The following C8orf34 variants were observed in gnomAD, a reference collection of about 807,000 sequenced individuals.
C8orf34 encodes uncharacterized protein C8orf34.
Under a neutral mutation model 68.3 loss-of-function variants are expected in C8orf34, and 65 were observed. The observed-to-expected ratio is 0.95, with a 90% CI of 0.78 to 1.17. C8orf34 has a LOEUF of 1.17. Ranked by LOEUF, C8orf34 falls within the 50% of genes most tolerant of loss-of-function variation. C8orf34 has a pLI of 0.00. For missense variants in C8orf34, 664 were observed against 655.4 expected (o/e 1.01, Z -0.14); for synonymous variants, 244 against 241.2 (o/e 1.01, Z -0.11).
intron 7 of C8orf34, among the ~76,000 whole-genome samples, chr8:68,597,779 A>G (rs953508378): frequency 6.6e-6 from 1 of 152,198 alleles, no homozygotes; most frequent in African/African-American, 2.4e-5. Flanking sequence ...ACTAGGAAAG[A>G]GTAACTTTAT....
chr8:68,714,625 C>A (rs953399918), intron 9 of C8orf34, among the ~76,000 whole-genome samples: 4 of 152,030 alleles, frequency 2.6e-5, no homozygotes, highest in Non-Finnish European at 4.4e-5. Context: ...AAATTATAGA[C>A]AACACAAACA....
chr8:68,477,214 G>C (rs900002474), intron 4 of C8orf34, among the ~76,000 whole-genome samples: 2 of 152,218 alleles, frequency 1.3e-5, no homozygotes, highest in African/African-American at 4.8e-5. Context: ...GAAGCTAGAA[G>C]TCTGGGTTAC....
intron 1 of C8orf34, among the ~76,000 whole-genome samples, chr8:68,331,780 C>CTTTTTTTTTT (rs1415208083): frequency 0.015 from 509 of 33,432 alleles, 34 homozygotes; most frequent in Middle Eastern, 0.04. Context: ...CTTTTCTTTC[C>CTTTTTTTTTT]TTCTTTTTTT....
chr8:68,578,385 A>G (rs151106376), intron 7 of C8orf34, among the ~76,000 whole-genome samples: 315 of 152,066 alleles, frequency 2.1e-3, no homozygotes, highest in African/African-American at 7.2e-3. Context: ...TTCAGTAGGA[A>G]CTTCTTATTG....
rs989476062 is a variant in C8orf34, at chr8:68,466,029, A to G, written c.608-2663A>G. ...TGGTGCGTATACACAATGAAATACT[A>G]TTTGGTCATTTAAAAAAAAAAACAA... On this transcript the variant is annotated intron_variant, in intron 3 of 13. Transcript: ENST00000518698. 6.1e-5 allele frequency among the ~76,000 whole-genome samples: 3 copies of G among 49,376 alleles called. No homozygotes were observed. The Admixed American group carries it at 1.0e-3, about 17-fold the overall frequency. The allele number at this position is 49,376 out of a possible 152,430, so 32.4% of individuals were successfully genotyped here.
intron 10 of C8orf34, among the ~76,000 whole-genome samples, chr8:68,749,266 T>C (rs1158178822): frequency 6.6e-6 from 1 of 152,036 alleles, no homozygotes; most frequent in Non-Finnish European, 1.5e-5. Context: ...AGGGATTGCA[T>C]TGGGAGATAT....
At chr8:68,817,095 G>T (rs1415884167) in intron 13 of C8orf34, among the ~76,000 whole-genome samples, 1 of 152,114 alleles carries the variant, frequency 6.6e-6, no homozygotes, top group Non-Finnish European at 1.5e-5. Flanking sequence ...AGGAACTACT[G>T]TCAGAGAATA....
chr8:68,613,374 T>C (rs1818083072), intron 7 of C8orf34, among the ~76,000 whole-genome samples: 1 of 152,136 alleles, frequency 6.6e-6, no homozygotes, highest in Admixed American at 6.6e-5. Flanking sequence ...ACATGTGCCA[T>C]GCTGGTGTGT....
intron 1 of C8orf34, among the ~76,000 whole-genome samples, chr8:68,411,341 A>G (rs1399208123): frequency 6.6e-6 from 1 of 152,202 alleles, no homozygotes; most frequent in Non-Finnish European, 1.5e-5. Flanking sequence ...ATAAGCATAT[A>G]TAATATATTT....
chr8:68,536,078 A>G (rs943907358), intron 7 of C8orf34, among the ~76,000 whole-genome samples: 1 of 152,048 alleles, frequency 6.6e-6, no homozygotes, highest in Non-Finnish European at 1.5e-5. Flanking sequence ...ACAAGTTACA[A>G]TGGTAGAATG....
chr8:68,538,578 A>G (rs1320979693), intron 7 of C8orf34, among the ~76,000 whole-genome samples: 1 of 152,014 alleles, frequency 6.6e-6, no homozygotes, highest in East Asian at 1.9e-4. Context: ...ACCCAGATAC[A>G]TTTTGTATGC....
intron 12 of C8orf34, among the ~76,000 whole-genome samples, chr8:68,805,096 T>A (rs1250974750): frequency 6.6e-6 from 1 of 152,242 alleles, no homozygotes; most frequent in Non-Finnish European, 1.5e-5. Context: ...AGGCTTGCAT[T>A]TTTTTTCTGA....
intron 12 of C8orf34, among the ~76,000 whole-genome samples, chr8:68,800,712 A>C (rs1824305671): frequency 6.6e-6 from 1 of 152,222 alleles, no homozygotes; most frequent in South Asian, 2.1e-4. Flanking sequence ...GGAAATATCC[A>C]CCCAACCTCT....
chr8:68,721,994 A>C (rs1287962829), intron 10 of C8orf34, among the ~76,000 whole-genome samples: 2 of 152,180 alleles, frequency 1.3e-5, no homozygotes, highest in East Asian at 1.9e-4. Context: ...CTTTATCTTA[A>C]ATGTAATATT....
chr8:68,589,231 C>T, intron 7 of C8orf34, among the ~76,000 whole-genome samples: 1 of 152,142 alleles, frequency 6.6e-6, no homozygotes, highest in East Asian at 1.9e-4. Context: ...TTCTGTCTAT[C>T]CATCCATCCG....
chr8:68,464,583 TACTGGTACCAAA>T (rs1812017435), intron 3 of C8orf34, among the ~76,000 whole-genome samples: 1 of 152,146 alleles, frequency 6.6e-6, no homozygotes, highest in South Asian at 2.1e-4. Flanking sequence ...AACAGCATGG[TACTGGTACCAAA>T]ACAGAGATAT....
intron 7 of C8orf34, among the ~76,000 whole-genome samples, chr8:68,633,465 G>T (rs1818750217): frequency 6.6e-6 from 1 of 152,090 alleles, no homozygotes; most frequent in South Asian, 2.1e-4. Context: ...TTACTAGACA[G>T]TTCAATTTCA....
At position 68,753,489 on chromosome 8, in the gene C8orf34, A is replaced by G. The variant is rs77917029; in HGVS notation, c.1405-22910A>G. ...GTATACATAATGTCAGTTTAGAGAT[A>G]GGAGAGCTTTCCATAGATTGGAAGA... On this transcript the variant is annotated intron_variant, in intron 10 of 13. Coordinates refer to ENST00000518698, the MANE Select transcript of C8orf34 (RefSeq NM_052958.4). 6.6e-4 allele frequency among the ~76,000 whole-genome samples: 100 copies of G among 152,344 alleles called. 1 individual carries two copies. Among genetic ancestry groups the G allele is most frequent in the African/African-American group, 2.4e-3 (98 of 41,580 alleles).
At chr8:68,591,432 T>G (rs1483716890) in intron 7 of C8orf34, among the ~76,000 whole-genome samples, 1 of 152,158 alleles carries the variant, frequency 6.6e-6, no homozygotes, top group Non-Finnish European at 1.5e-5. Flanking sequence ...ATGTTACTCA[T>G]GGAATTAGTT....
Sources: gnomAD v4.1 joint callset for allele counts (sites outside exome capture counted in the v4.1 genomes callset) on GRCh38, gnomAD v4.1.1 for gene constraint, MANE v1.5 for transcripts, NCBI Gene and HGNC (gene_info 2026-07-23, HGNC 2026-07-21) for gene names.